KIF26B: variants seen among roughly 807,000 people sequenced by gnomAD.
KIF26B encodes kinesin family member 26B.
A neutral mutation model predicts 151.2 loss-of-function variants in KIF26B; 63 were observed. That is an observed-to-expected ratio of 0.42 (90% CI 0.34 to 0.51). The LOEUF is 0.51. Ranked by LOEUF, KIF26B falls within the 20% of genes least tolerant of loss-of-function variation. The pLI is 0.07. For synonymous variants in KIF26B, 1,357 were observed against 1,262.1 expected (o/e 1.08, Z -1.59); for missense variants, 2,813 against 2,913.6 (o/e 0.97, Z 0.79).
rs571425077 is a variant in KIF26B, at chr1:245,436,489, CAT to C, written c.1166+16745_1166+16746del. ...GGTGTGCAAAGCTAAAGAGCTGACT[CAT>C]GTGATCGTGGGGGTTGGCAAGTCCA... is the stretch of plus-strand genomic sequence containing the variant. On this transcript the variant is annotated intron_variant, in intron 4 of 14. Transcript: ENST00000407071. 1.0e-3 allele frequency among the ~76,000 whole-genome samples: 159 copies of C among 152,300 alleles called. 1 individual carries two copies. Among genetic ancestry groups the C allele is most frequent in the Non-Finnish European group, 1.8e-3 (125 of 68,024 alleles).
At chr1:245,521,307 A>G (rs1376940087) in intron 4 of KIF26B, among the ~76,000 whole-genome samples, 5 of 151,496 alleles carry the variant, frequency 3.3e-5, no homozygotes, top group South Asian at 2.1e-4. Flanking sequence ...ACTGCACTCC[A>G]TCCAGCCTGA....
intron 10 of KIF26B, among the ~76,000 whole-genome samples, chr1:245,652,145 T>TGTGTGAGA (rs368258830): frequency 2.1e-5 from 3 of 142,658 alleles, no homozygotes; most frequent in African/African-American, 8.3e-5. Context: ...TGTGTGTGTG[T>TGTGTGAGA]GAGAGAGACA....
chr1:245,604,327 C>T (rs1442165581), intron 6 of KIF26B, among the ~76,000 whole-genome samples: 1 of 152,160 alleles, frequency 6.6e-6, no homozygotes. Context: ...GAGGAGGTGG[C>T]GATGTTCTCA....
At position 245,572,488 on chromosome 1, in the gene KIF26B, C is replaced by T. The variant is rs553657383; in HGVS notation, c.1351-30089C>T. ...GCCCATTTTCAGGCACGGTATCCTG[C>T]GCTGCTAGCACCGTAGCCATCACTG... On this transcript the variant is annotated intron_variant, in intron 5 of 14. Transcript: ENST00000407071. This position sits in a 1 kb window ranked among gnomAD's most constrained non-coding sequence, Gnocchi z 4.2. Among the ~76,000 whole-genome samples the T allele has an allele frequency of 7.9e-5, 12 of 152,232 alleles. No individual in the cohort carries two copies. The highest frequency in any genetic ancestry group is 2.1e-4 in the South Asian group (1 of 4,814).
At chr1:245,346,401 C>G (rs1161514286) in intron 2 of KIF26B, among the ~76,000 whole-genome samples, 2 of 152,166 alleles carry the variant, frequency 1.3e-5, no homozygotes, top group Non-Finnish European at 2.9e-5. Flanking sequence ...GCTCCATGAT[C>G]ATCCTTCCCT....
chr1:245,414,140 A>G (rs1093959), intron 3 of KIF26B, among the ~76,000 whole-genome samples: 29,656 of 152,222 alleles, frequency 0.19, 3,573 homozygotes, highest in African/African-American at 0.33. Context: ...TCATCCCCAC[A>G]CCCAGTGGAG....
At chr1:245,264,941 TG>T (rs1327670543) in intron 2 of KIF26B, among the ~76,000 whole-genome samples, 2 of 150,850 alleles carry the variant, frequency 1.3e-5, no homozygotes, top group African/African-American at 4.9e-5. Flanking sequence ...GGCTCACGCC[TG>T]TAATCCCAGC....
intron 2 of KIF26B, among the ~76,000 whole-genome samples, chr1:245,230,905 A>C (rs1160249538): frequency 6.6e-6 from 1 of 152,158 alleles, no homozygotes; most frequent in Non-Finnish European, 1.5e-5. Context: ...TAATACCAGA[A>C]ATTTGAAAAA....
intron 4 of KIF26B, among the ~76,000 whole-genome samples, chr1:245,460,552 G>T (rs1279398056): frequency 6.6e-6 from 1 of 152,112 alleles, no homozygotes; most frequent in East Asian, 1.9e-4. Context: ...CAGAAAGTTC[G>T]CCCACCCCTT....
chr1:245,516,240 C>T lies in KIF26B; in HGVS notation c.1167-24527C>T, dbSNP rs372904146. Among the ~76,000 whole-genome samples the T allele has an allele frequency of 1.3e-5, 2 of 152,078 alleles. No homozygotes were observed. The highest frequency in any genetic ancestry group is 2.9e-5 in the Non-Finnish European group (2 of 68,014). ...CCATAGCAATGCTTGAACTCTGGTCCGTGATGAAGCAAGCTCTTCCATGGT... is the reference window on the plus strand; with the variant it reads ...CCATAGCAATGCTTGAACTCTGGTCTGTGATGAAGCAAGCTCTTCCATGGT... On this transcript the variant is annotated intron_variant, in intron 4 of 14. Coordinates refer to ENST00000407071, the MANE Select transcript of KIF26B (RefSeq NM_018012.4). The surrounding 1 kb of genome is among the most constrained non-coding windows in gnomAD (Gnocchi z 4.2).
chr1:245,546,520 C>G (rs1459452227), intron 5 of KIF26B, among the ~76,000 whole-genome samples: 1 of 152,210 alleles, frequency 6.6e-6, no homozygotes, highest in African/African-American at 2.4e-5. Flanking sequence ...ATTATTATTG[C>G]TGTCCTTCCT....
rs1028752748 is a variant in KIF26B, at chr1:245,170,276, T to C, written c.465+13593T>C. On this transcript the variant is annotated intron_variant, in intron 2 of 14. Coordinates refer to ENST00000407071, the MANE Select transcript of KIF26B (RefSeq NM_018012.4). The surrounding 1 kb of genome is among the most constrained non-coding windows in gnomAD (Gnocchi z 4.4). ...GCAGCGCCTTCACCTCGGTGGAGCT[T>C]AGTCTAGGCATTTATGGGTCGGCTG... Among the ~76,000 whole-genome samples, 13 of 152,228 alleles carry C rather than the reference T, an allele frequency of 8.5e-5. No homozygotes were observed. The highest frequency in any genetic ancestry group is 7.8e-4 in the Admixed American group (12 of 15,290).
At chr1:245,577,967 T>C (rs2103127459) in intron 5 of KIF26B, among the ~76,000 whole-genome samples, 1 of 151,720 alleles carries the variant, frequency 6.6e-6, no homozygotes, top group South Asian at 2.1e-4. Context: ...GGAAGAGCCT[T>C]GTGGCACTCC....
intron 10 of KIF26B, among the ~76,000 whole-genome samples, chr1:245,655,346 G>A (rs899256036): frequency 6.6e-6 from 1 of 152,182 alleles, no homozygotes; most frequent in Non-Finnish European, 1.5e-5. Context: ...TTTCAGAATC[G>A]TGTAACCCAC....
At chr1:245,521,920 A>T (rs1661122099) in intron 4 of KIF26B, among the ~76,000 whole-genome samples, 1 of 130,398 alleles carries the variant, frequency 7.7e-6, no homozygotes, top group Non-Finnish European at 1.8e-5. Context: ...GGCTGGATGG[A>T]GTGCAGTGGT....
Position 245,227,341 on chromosome 1 carries a change from C to T in KIF26B, c.465+70658C>T, listed in dbSNP as rs922572523. Among the ~76,000 whole-genome samples the T allele has an allele frequency of 3.9e-5, 6 of 152,194 alleles. No homozygotes were observed. The highest frequency in any genetic ancestry group is 6.5e-5 in the Admixed American group (1 of 15,284). On this transcript the variant is annotated intron_variant, in intron 2 of 14. Coordinates refer to ENST00000407071, the MANE Select transcript of KIF26B (RefSeq NM_018012.4). The surrounding 1 kb of genome is among the most constrained non-coding windows in gnomAD (Gnocchi z 4.1). ...AAAATTAGCAGTGTAACAAAACTTCCCATGTGATGTAGCACAGGTTGATGG... is the reference window on the plus strand; with the variant it reads ...AAAATTAGCAGTGTAACAAAACTTCTCATGTGATGTAGCACAGGTTGATGG...
At position 245,680,380 on chromosome 1, in the gene KIF26B, G is replaced by C. The variant is rs914628096; in HGVS notation, c.2259-3853G>C. ...CACAAGGAGAGCTAAAATGCCGGTT[G>C]CTAAGCAGCATACATGCCGCTGCTT... On this transcript the variant is annotated intron_variant, in intron 10 of 14. Transcript: ENST00000407071. Among the ~76,000 whole-genome samples, 4 of 152,284 alleles carry C rather than the reference G, an allele frequency of 2.6e-5. No individual in the cohort carries two copies. In the South Asian group the frequency reaches 8.3e-4, roughly 32 times the overall value.
intron 10 of KIF26B, among the ~76,000 whole-genome samples, chr1:245,672,988 G>A (rs1187289584): frequency 6.6e-6 from 1 of 152,198 alleles, no homozygotes; most frequent in Non-Finnish European, 1.5e-5. Context: ...TCCAGAGCTG[G>A]AAAACATAAG....
At chr1:245,433,098 G>A (rs1449228786) in intron 4 of KIF26B, among the ~76,000 whole-genome samples, 1 of 152,090 alleles carries the variant, frequency 6.6e-6, no homozygotes, top group Non-Finnish European at 1.5e-5. Context: ...TTAATAAATG[G>A]ATGTTGAAAG....
Sources: allele counts gnomAD v4.1 joint callset (sites outside exome capture counted in the v4.1 genomes callset), GRCh38; gene constraint gnomAD v4.1.1; non-coding constraint Gnocchi (gnomAD v3.1); transcripts MANE v1.5; gene names NCBI Gene and HGNC (gene_info 2026-07-23, HGNC 2026-07-21).